CCND3: variants seen among roughly 807,000 people sequenced by gnomAD.
The protein encoded by CCND3 is G1/S-specific cyclin-D3.
Under a neutral mutation model 28.7 loss-of-function variants are expected in CCND3, and 9 were observed. That is an observed-to-expected ratio of 0.31 (90% CI 0.19 to 0.55). The LOEUF (loss-of-function observed/expected upper bound fraction) is 0.55. Ranked by LOEUF, CCND3 falls within the 20% of genes least tolerant of loss-of-function variation. The probability of loss-of-function intolerance (pLI) is 0.93; values close to 1 mark genes in which losing one functional copy is unlikely to be tolerated. For synonymous variants in CCND3, 164 were observed against 163.9 expected (o/e 1.00, Z 0.00); for missense variants, 315 against 385.8 (o/e 0.82, Z 1.54).
At chr6:41,985,238 A>G (rs1196866386) in intron 1 of CCND3, among the ~76,000 whole-genome samples, 1 of 151,158 alleles carries the variant, frequency 6.6e-6, no homozygotes, top group Non-Finnish European at 1.5e-5. Flanking sequence ...GCCCAGGCCA[A>G]TGTCAAGAAG....
At chr6:41,963,170 C>A (rs1451428716) in intron 1 of CCND3, among the ~76,000 whole-genome samples, 1 of 152,154 alleles carries the variant, frequency 6.6e-6, no homozygotes, top group African/African-American at 2.4e-5. Context: ...AGCATTGATG[C>A]TTTTGCTCAG....
At chr6:42,037,312 A>G (rs1216589011) in intron 1 of CCND3, among the ~76,000 whole-genome samples, 3 of 150,332 alleles carry the variant, frequency 2.0e-5, no homozygotes, top group Non-Finnish European at 4.4e-5. Context: ...ATCTCGGCTC[A>G]CTGCAACCTC....
intron 1 of CCND3, among the ~76,000 whole-genome samples, chr6:42,039,343 CT>C (rs1764306001): frequency 6.6e-6 from 1 of 152,180 alleles, no homozygotes; most frequent in Non-Finnish European, 1.5e-5. Flanking sequence ...GCCTCTGAGA[CT>C]TACAGATGTT....
chr6:41,995,464 G>A (rs959228480), intron 1 of CCND3, among the ~76,000 whole-genome samples: 1 of 151,980 alleles, frequency 6.6e-6, no homozygotes, highest in Non-Finnish European at 1.5e-5. Context: ...CACTATATTC[G>A]CCAGCCTGGT....
rs1776011521 is a variant in CCND3 at position 41,941,408 on chromosome 6, C to T, written c.198+44G>A. On this transcript the variant is annotated intron_variant, in intron 1 of 4. Transcript: ENST00000372991. The surrounding 1 kb of genome is among the most constrained non-coding windows in gnomAD (Gnocchi z 6.1). ...CCCGACAGGGCGGCCCCGGTGTGTC[C>T]AGACCCGGGAGCGGTGGGGGAGGGG... The T allele has an allele frequency of 6.2e-7, 1 of 1,602,062 alleles. No individual in the cohort carries two copies. The highest frequency in any genetic ancestry group is 8.5e-7 in the Non-Finnish European group (1 of 1,176,472).
Sources: gnomAD v4.1 joint callset for allele counts (sites outside exome capture counted in the v4.1 genomes callset) on GRCh38, gnomAD v4.1.1 for gene constraint, Gnocchi (gnomAD v3.1) non-coding constraint, MANE v1.5 for transcripts, NCBI Gene and HGNC (gene_info 2026-07-23, HGNC 2026-07-21) for gene names.